Variants in SH3D19 observed in about 807,000 individuals in gnomAD.
The protein encoded by SH3D19 is SH3 domain containing 19, also known as SH3 domain-containing protein 19.
In SH3D19, 58 loss-of-function variants were observed where a neutral mutation model predicts 112.1. The ratio of observed to expected loss-of-function variants is 0.52; its 90% confidence interval spans 0.42 to 0.64. The LOEUF (loss-of-function observed/expected upper bound fraction) is 0.64, where lower values mean the gene tolerates loss of function less well. Among genes scored for constraint, SH3D19 ranks in the 30% least tolerant of loss-of-function variants. The pLI is 0.00. For synonymous variants in SH3D19, 391 were observed against 448.5 expected, an observed-to-expected ratio of 0.87 and a Z score of 1.62; for missense variants, 1,090 against 1,263.4, an observed-to-expected ratio of 0.86 and a Z score of 2.08.
chr4:151,137,737 C>G lies in SH3D19; in HGVS notation c.2422G>C (p.Val808Leu). 6.3e-7 allele frequency: 1 copy of G among 1,597,360 alleles called. No individual in the cohort carries two copies. The highest frequency in any genetic ancestry group is 8.5e-7 in the Non-Finnish European group (1 of 1,173,470). ...IGIFPANYVK[V>L]IIDIPEGGNG... is the part of the protein sequence containing the mutation. The stretch of plus-strand genomic sequence containing the variant: ...AACAAACACAACCCACTTACAATCA[C>G]TTTGACATAGTTGGCAGGAAATATG... Residue 808 changes from valine (V) to leucine (L), a missense_variant, in exon 14 of 20, where the codon GTG becomes CTG. Physicochemically the swap from Val to Leu is conservative, Grantham distance 32. Coordinates refer to ENST00000604030, the MANE Select transcript of SH3D19 (RefSeq NM_001378122.1).
chr4:151,123,387 T>C (rs1200507346), intron 19 of SH3D19, among the ~76,000 whole-genome samples: 1 of 152,186 alleles, frequency 6.6e-6, no homozygotes, highest in Non-Finnish European at 1.5e-5. Context: ...CCAGAGCATT[T>C]TGCACTCTAC....
intron 1 of SH3D19, among the ~76,000 whole-genome samples, chr4:151,248,028 C>A (rs1000065426): frequency 7.2e-5 from 11 of 152,196 alleles, no homozygotes; most frequent in Admixed American, 2.6e-4. Context: ...ATCACAATAA[C>A]CACCCTGCCT....
intron 2 of SH3D19, among the ~76,000 whole-genome samples, chr4:151,197,755 AATAAGGGAT>A (rs1561325277): frequency 1.3e-5 from 2 of 151,964 alleles, no homozygotes; most frequent in Admixed American, 1.3e-4. Context: ...AAATAAAACT[AATAAGGGAT>A]AATAGTGGTC....
At chr4:151,314,463 G>C (rs953466858) in intron 1 of SH3D19, among the ~76,000 whole-genome samples, 2 of 152,118 alleles carry the variant, frequency 1.3e-5, no homozygotes, top group African/African-American at 4.8e-5. Context: ...CTATTCCAAA[G>C]ATGTAAAAAA....
At chr4:151,230,864 C>A (rs543733384) in intron 1 of SH3D19, among the ~76,000 whole-genome samples, 42 of 152,230 alleles carry the variant, frequency 2.8e-4, no homozygotes, top group Non-Finnish European at 5.1e-4. Context: ...TAGGTGTGAG[C>A]CACCATCCCC....
intron 1 of SH3D19, among the ~76,000 whole-genome samples, chr4:151,239,796 T>A (rs896342052): frequency 1.3e-5 from 2 of 152,192 alleles, no homozygotes; most frequent in Non-Finnish European, 2.9e-5. Flanking sequence ...TTTATACTTC[T>A]CCTGAAATGC....
At chr4:151,193,634 A>G (rs1762975849) in intron 2 of SH3D19, among the ~76,000 whole-genome samples, 1 of 152,224 alleles carries the variant, frequency 6.6e-6, no homozygotes. Flanking sequence ...TGACTTTACT[A>G]AGATGGAACT....
At chr4:151,154,128 A>ATTT (rs547926242) in intron 9 of SH3D19, among the ~76,000 whole-genome samples, 3 of 108,690 alleles carry the variant, frequency 2.8e-5, no homozygotes, top group African/African-American at 3.2e-5. Flanking sequence ...CACCCGGCTG[A>ATTT]TTTTTTTTTT....
intron 1 of SH3D19, among the ~76,000 whole-genome samples, chr4:151,246,948 C>T (rs925526389): frequency 3.9e-5 from 6 of 152,158 alleles, no homozygotes; most frequent in Admixed American, 3.9e-4. Flanking sequence ...TAGGATTGAT[C>T]CATGTTTAAA....
Position 151,226,090 on chromosome 4 carries a change from TAGAG to T in SH3D19, c.113-8_113-5del. ...GGTTTATTTCGTTCGTTGCGATCTG[TAGAG>T]AAAGAAGATGGTTACGTGTCAAAAG... On this transcript the variant is annotated splice_polypyrimidine_tract_variant and splice_region_variant and intron_variant, in intron 1 of 19. Transcript: ENST00000604030. 1 of 1,231,746 alleles carries T rather than the reference TAGAG, an allele frequency of 8.1e-7. No individual in the cohort carries two copies. The highest frequency in any genetic ancestry group is 1.0e-6 in the Non-Finnish European group (1 of 987,664). The allele number at this position is 1,231,746 out of a possible 1,614,324, so 76.3% of individuals were successfully genotyped here.
At chr4:151,169,244 A>G (rs1389153120) in intron 7 of SH3D19, among the ~76,000 whole-genome samples, 1 of 152,164 alleles carries the variant, frequency 6.6e-6, no homozygotes, top group African/African-American at 2.4e-5. Flanking sequence ...GTTTTTTAAT[A>G]ACTGGCACTC....
chr4:151,121,618 C>T lies in SH3D19; in HGVS notation c.*473G>A, dbSNP rs1747984838. On this transcript the variant is annotated 3_prime_UTR_variant, in exon 20 of 20. Coordinates refer to ENST00000604030, the MANE Select transcript of SH3D19 (RefSeq NM_001378122.1). ...TTGCTCTGGTAATAAGGCTGATATG[C>T]TCAAGCTGTAAGAATTAATTTGAAT... 1 of 152,438 alleles carries T rather than the reference C, an allele frequency of 6.6e-6. No individual in the cohort carries two copies. The highest frequency in any genetic ancestry group is 6.5e-5 in the Admixed American group (1 of 15,272). 9.4% of individuals were successfully genotyped at this position (152,438 alleles called of 1,614,324 possible). A position where few individuals can be genotyped will look rare whatever the true frequency, so the allele number is the denominator to read the frequency against.
intron 9 of SH3D19, among the ~76,000 whole-genome samples, chr4:151,153,784 C>G (rs994356189): frequency 7.9e-5 from 12 of 152,220 alleles, no homozygotes; most frequent in African/African-American, 2.6e-4. Flanking sequence ...TTCTGACTCC[C>G]TTTATAAACA....
chr4:151,286,982 A>AAATAATAATGATAATAATAAT (rs1774855418), intron 1 of SH3D19, among the ~76,000 whole-genome samples: 1 of 141,834 alleles, frequency 7.1e-6, no homozygotes, highest in African/African-American at 2.6e-5. Flanking sequence ...TCTGTCTCAA[A>AAATAATAATGATAATAATAAT]AATAATAATA....
intron 1 of SH3D19, chr4:151,283,316 T>A (rs1774429121): frequency 1.2e-6 from 2 of 1,601,158 alleles, no homozygotes; most frequent in Admixed American, 1.7e-5. Context: ...AATTTTTTTT[T>A]AAACATGAGA....
At chr4:151,262,353 T>C (rs1389255477) in intron 1 of SH3D19, 1 of 152,244 alleles carries the variant, frequency 6.6e-6, no homozygotes. Flanking sequence ...GAGCTGAAAG[T>C]GCCCCTCATT....
At chr4:151,253,810 A>AC (rs1258467000) in intron 1 of SH3D19, among the ~76,000 whole-genome samples, 1 of 152,132 alleles carries the variant, frequency 6.6e-6, no homozygotes, top group African/African-American at 2.4e-5. Context: ...GTTCTGACTT[A>AC]CAACTACAAT....
intron 9 of SH3D19, among the ~76,000 whole-genome samples, chr4:151,157,514 T>C (rs1432779556): frequency 6.6e-6 from 1 of 151,446 alleles, no homozygotes; most frequent in Admixed American, 6.6e-5. Context: ...GTACAATCAC[T>C]GTAGAGAACA....
At chr4:151,288,670 T>C (rs57372803) in intron 1 of SH3D19, among the ~76,000 whole-genome samples, 11,996 of 151,398 alleles carry the variant, frequency 0.079, 529 homozygotes, top group Middle Eastern at 0.12. Flanking sequence ...CGAGACTCTG[T>C]CTTAAAAAAA....
Sources: allele counts gnomAD v4.1 joint callset (sites outside exome capture counted in the v4.1 genomes callset), GRCh38; gene constraint gnomAD v4.1.1; transcripts MANE v1.5; gene names NCBI Gene and HGNC (gene_info 2026-07-23, HGNC 2026-07-21).